PTPRQ: variants seen among roughly 807,000 people sequenced by gnomAD.
PTPRQ encodes phosphatidylinositol phosphatase PTPRQ.
A neutral mutation model predicts 246.0 loss-of-function variants in PTPRQ; 199 were observed. The observed-to-expected ratio is 0.81, with a 90% CI of 0.72 to 0.91. The LOEUF (loss-of-function observed/expected upper bound fraction) is 0.91, where lower values mean the gene tolerates loss of function less well. Among genes scored for constraint, PTPRQ ranks in the 40% least tolerant of loss-of-function variants. The pLI, the probability that PTPRQ is intolerant of heterozygous loss-of-function variation, is 0.00. For synonymous variants in PTPRQ, 869 were observed against 853.2 expected, an observed-to-expected ratio of 1.02 and a Z score of -0.32; for missense variants, 2,624 against 2,528.4, an observed-to-expected ratio of 1.04 and a Z score of -0.81.
chr12:80,477,751 T>C (rs936086685), intron 8 of PTPRQ, among the ~76,000 whole-genome samples: 1 of 152,030 alleles, frequency 6.6e-6, no homozygotes, highest in Non-Finnish European at 1.5e-5. Context: ...TTTCCCCTTG[T>C]CAAAGAAAGG....
chr12:80,477,531 A>G (rs910101017), intron 8 of PTPRQ, among the ~76,000 whole-genome samples: 7 of 152,236 alleles, frequency 4.6e-5, no homozygotes, highest in Non-Finnish European at 8.8e-5. Context: ...AATTTAGGCA[A>G]GATGGCCGAA....
intron 25 of PTPRQ, among the ~76,000 whole-genome samples, chr12:80,566,272 G>A (rs898446298): frequency 6.6e-6 from 1 of 152,126 alleles, no homozygotes; most frequent in African/African-American, 2.4e-5. Context: ...GAAGTCAGGA[G>A]TTCGAGATCA....
At chr12:80,532,309 G>A (rs1895867279) in intron 17 of PTPRQ, among the ~76,000 whole-genome samples, 1 of 151,576 alleles carries the variant, frequency 6.6e-6, no homozygotes, top group African/African-American at 2.4e-5. Flanking sequence ...TTCAGCCTCC[G>A]CCTCCTGAGC....
intron 25 of PTPRQ, among the ~76,000 whole-genome samples, chr12:80,558,881 C>G (rs1216730887): frequency 6.6e-6 from 1 of 152,062 alleles, no homozygotes; most frequent in African/African-American, 2.4e-5. Flanking sequence ...TCTGTATATC[C>G]TCTTCTATGA....
chr12:80,678,760 A>C (rs1335948666), intron 44 of PTPRQ, 35 bp downstream of exon 44: 2 of 1,518,780 alleles, frequency 1.3e-6, no homozygotes, highest in Admixed American at 2.2e-5. Context: ...CCAGCTTACT[A>C]GTTTACCACC....
chr12:80,657,997 G>A lies in PTPRQ; in HGVS notation c.6128G>A (p.Arg2043Lys). 1 of 1,430,302 alleles carries A rather than the reference G, an allele frequency of 7.0e-7. No individual in the cohort carries two copies. Among genetic ancestry groups the A allele is most frequent in the Non-Finnish European group, 9.2e-7 (1 of 1,091,178 alleles). 88.6% of individuals were successfully genotyped at this position (1,430,302 alleles called of 1,614,324 possible). The change falls in exon 39 of 45, where the codon AGA (arginine) becomes AAA (lysine). Residue 2043 changes from arginine to lysine, a missense_variant. Arg to Lys is a conservative substitution (Grantham distance 26). Coordinates refer to ENST00000644991, the MANE Select transcript of PTPRQ (RefSeq NM_001145026.2). ...FPNIKPYNNNRVKLIADASVP... is the reference protein window; with the variant it reads ...FPNIKPYNNNKVKLIADASVP... ...TATTTTCTTCTAGATAATAATAACA[G>A]AGTAAAGCTGATAGCTGACGCTAGT...
chr12:80,525,652 CTG>C (rs1803242731), intron 17 of PTPRQ, among the ~76,000 whole-genome samples: 3 of 131,488 alleles, frequency 2.3e-5, no homozygotes, highest in African/African-American at 3.6e-5. Flanking sequence ...TTCTCTCTCT[CTG>C]TCTCTCTCTC....
chr12:80,551,888 T>A (rs1215968942), intron 25 of PTPRQ, among the ~76,000 whole-genome samples: 1 of 152,048 alleles, frequency 6.6e-6, no homozygotes, highest in Non-Finnish European at 1.5e-5. Flanking sequence ...TTCTCTTCTT[T>A]AAACATATCC....
At chr12:80,545,871 TA>T (rs1430542616) in intron 23 of PTPRQ, among the ~76,000 whole-genome samples, 3 of 151,202 alleles carry the variant, frequency 2.0e-5, no homozygotes, top group African/African-American at 7.3e-5. Flanking sequence ...CTGTGGGTAT[TA>T]AAAATGAATT....
chr12:80,616,416 G>T (rs542982391), intron 30 of PTPRQ, 150 bp downstream of exon 30: 17 of 606,238 alleles, frequency 2.8e-5, no homozygotes, highest in Admixed American at 2.3e-4. Flanking sequence ...GGTTATTAAA[G>T]CTATAGTTAA....
At chr12:80,484,728 T>C (rs773190810) in intron 9 of PTPRQ, 123 bp downstream of exon 9, 6 of 1,182,934 alleles carry the variant, frequency 5.1e-6, no homozygotes, top group Non-Finnish European at 6.9e-6. Flanking sequence ...CAAAGTAAAG[T>C]AAATTTGGGG....
chr12:80,677,370 T>TA (rs1901178742), intron 43 of PTPRQ, among the ~76,000 whole-genome samples: 1 of 152,190 alleles, frequency 6.6e-6, no homozygotes, highest in Non-Finnish European at 1.5e-5. Context: ...ACTTCAATTC[T>TA]TACCAAAATT....
At chr12:80,493,490 T>C in intron 10 of PTPRQ, 35 bp downstream of exon 10, 1 of 1,536,754 alleles carries the variant, frequency 6.5e-7, no homozygotes, top group African/African-American at 1.4e-5. Flanking sequence ...AAAGTTCATT[T>C]AAACCACCAG....
In PTPRQ at chr12:80,448,752, T is replaced by G. The variant is rs12305917; in HGVS notation, c.390+3035T>G. Among the ~76,000 whole-genome samples the G allele has an allele frequency of 3.4e-5, 5 of 146,152 alleles. No individual in the cohort carries two copies. In the East Asian group the frequency reaches 5.9e-4, roughly 17 times the overall value. On this transcript the variant is annotated intron_variant, in intron 3 of 44. Transcript: ENST00000644991. ...GTATTCCATGGTGTATATGTGCCACTTTTTCTTAATCCAGTCTATCATTGT... is the reference window on the plus strand; with the variant it reads ...GTATTCCATGGTGTATATGTGCCACGTTTTCTTAATCCAGTCTATCATTGT...
intron 30 of PTPRQ, among the ~76,000 whole-genome samples, chr12:80,617,615 C>T (rs1898812083): frequency 6.6e-6 from 1 of 151,364 alleles, no homozygotes; most frequent in African/African-American, 2.4e-5. Flanking sequence ...CTATTCCCAT[C>T]CCCATGCCAG....
At position 80,557,908 on chromosome 12, in the gene PTPRQ, T is replaced by G. The variant is rs11114509; in HGVS notation, c.4285+8174T>G. The stretch of plus-strand genomic sequence containing the variant: ...TCTGACCCCTTGGACACCACTAATC[T>G]GTTCTCCATTTTCTATAATTTTTTC... On this transcript the variant is annotated intron_variant, in intron 25 of 44. Coordinates refer to ENST00000644991, the MANE Select transcript of PTPRQ (RefSeq NM_001145026.2). Among the ~76,000 whole-genome samples the G allele has an allele frequency of 0.024, 3,685 of 152,202 alleles. 217 individuals carry two copies. The East Asian group carries it at 0.27, about 11-fold the overall frequency.
intron 9 of PTPRQ, among the ~76,000 whole-genome samples, chr12:80,489,726 TA>T (rs201163074): frequency 9.2e-5 from 14 of 151,352 alleles, no homozygotes; most frequent in African/African-American, 2.2e-4. Flanking sequence ...AACAGTGAAA[TA>T]AAAAAAAATC....
chr12:80,491,549 A>G (rs1894450195), intron 9 of PTPRQ, among the ~76,000 whole-genome samples: 2 of 152,008 alleles, frequency 1.3e-5, no homozygotes, highest in South Asian at 4.1e-4. Flanking sequence ...AGTAGCTTTT[A>G]TGGGAAACCT....
At chr12:80,479,460 T>C (rs1893950590) in intron 8 of PTPRQ, among the ~76,000 whole-genome samples, 1 of 148,154 alleles carries the variant, frequency 6.7e-6, no homozygotes, top group Admixed American at 6.7e-5. Flanking sequence ...AGGAAGAAAC[T>C]GCATCAACTA....
Sources: gnomAD v4.1 joint callset for allele counts (sites outside exome capture counted in the v4.1 genomes callset) on GRCh38, gnomAD v4.1.1 for gene constraint, MANE v1.5 for transcripts, NCBI Gene and HGNC (gene_info 2026-07-23, HGNC 2026-07-21) for gene names.